The following BID variants were observed in gnomAD, a reference collection of about 807,000 sequenced individuals.
The protein encoded by BID is BH3 interacting domain death agonist.
BID carries 19 observed loss-of-function variants against 17.4 expected under a neutral mutation model. That is an observed-to-expected ratio of 1.09 (90% CI 0.76 to 1.60). The LOEUF is 1.60. BID is among the 40% of genes most tolerant of loss of function. The pLI, the probability that BID is intolerant of heterozygous loss-of-function variation, is 0.00. For synonymous variants in BID, 108 were observed against 102.8 expected (o/e 1.05, Z -0.31); for missense variants, 226 against 256.0 (o/e 0.88, Z 0.80).
At chr22:17,740,393 T>C in intron 3 of BID, 2 of 547,054 alleles carry the variant, frequency 3.7e-6, no homozygotes, top group South Asian at 2.1e-5. Flanking sequence ...GAGCCGTGAT[T>C]GCACCAGCAA....
Position 17,747,967 on chromosome 22 carries a change from A to T in BID, c.12+2138T>A, listed in dbSNP as rs965796774. 7.0e-3 allele frequency among the ~76,000 whole-genome samples: 1,044 copies of T among 149,638 alleles called. 10 individuals are homozygous for T. Among genetic ancestry groups the T allele is most frequent in the African/African-American group, 0.024 (975 of 40,592 alleles). ...GGCTCACGCCTGCAATCCCAGCACT[A>T]TGGGAGGCCGAGGCGGGCAGATCGC... On this transcript the variant is annotated intron_variant, in intron 2 of 5. Transcript: ENST00000622694.
intron 1 of BID, among the ~76,000 whole-genome samples, chr22:17,760,491 C>T (rs928095725): frequency 2.0e-5 from 3 of 147,310 alleles, no homozygotes; most frequent in African/African-American, 5.0e-5. Context: ...TCATATCCAT[C>T]TACCAGAGCA....
intron 5 of BID, among the ~76,000 whole-genome samples, chr22:17,736,942 T>C (rs1264883820): frequency 6.6e-6 from 1 of 152,010 alleles, no homozygotes. Context: ...TAGCTGGGAT[T>C]ACAGGCGCCC....
intron 2 of BID, among the ~76,000 whole-genome samples, chr22:17,749,364 C>T (rs1272557685): frequency 6.6e-6 from 1 of 152,176 alleles, no homozygotes; most frequent in African/African-American, 2.4e-5. Flanking sequence ...TTTATAAAGA[C>T]GGGGTCTTAC....
At chr22:17,752,008 A>G (rs1295030422) in intron 1 of BID, among the ~76,000 whole-genome samples, 1 of 152,100 alleles carries the variant, frequency 6.6e-6, no homozygotes, top group Non-Finnish European at 1.5e-5. Flanking sequence ...CTTCTGCCTC[A>G]AGGTCTGGAA....
At chr22:17,751,515 G>GA (rs1172705953) in intron 1 of BID, among the ~76,000 whole-genome samples, 30 of 152,290 alleles carry the variant, frequency 2.0e-4, no homozygotes, top group African/African-American at 5.3e-4. Flanking sequence ...TGAACCAAAT[G>GA]AAATGGCCAT....
intron 3 of BID, among the ~76,000 whole-genome samples, chr22:17,742,815 G>A (rs979629238): frequency 2.0e-5 from 3 of 152,254 alleles, no homozygotes; most frequent in South Asian, 2.1e-4. Flanking sequence ...AGCCAGCGTC[G>A]CAGGGCTGGA....
intron 2 of BID, 122 bp downstream of exon 2, chr22:17,749,983 G>T: frequency 1.0e-6 from 1 of 955,898 alleles, no homozygotes; most frequent in Non-Finnish European, 1.6e-6. Flanking sequence ...TCTGTGCCGA[G>T]CTGTGGTAAG....
At chr22:17,764,542 C>T (rs774460451) in intron 1 of BID, among the ~76,000 whole-genome samples, 5 of 152,212 alleles carry the variant, frequency 3.3e-5, no homozygotes, top group East Asian at 1.9e-4. Context: ...TACAGTGAAT[C>T]GGATGAAGCT....
chr22:17,771,228 T>G (rs577867614), intron 1 of BID, among the ~76,000 whole-genome samples: 10 of 152,232 alleles, frequency 6.6e-5, no homozygotes, highest in Admixed American at 5.9e-4. Flanking sequence ...GCCTCCCAGG[T>G]AGCTGGGACT....
chr22:17,767,518 G>T (rs927041223), intron 1 of BID, among the ~76,000 whole-genome samples: 1 of 152,118 alleles, frequency 6.6e-6, no homozygotes, highest in African/African-American at 2.4e-5. Context: ...CCTTCCCGGT[G>T]GACACAAAAT....
chr22:17,770,902 G>C (rs1414894270), intron 1 of BID, among the ~76,000 whole-genome samples: 1 of 152,268 alleles, frequency 6.6e-6, no homozygotes, highest in Non-Finnish European at 1.5e-5. Context: ...ATGCTCTGCA[G>C]AAAGTTCCCT....
At chr22:17,741,200 G>C (rs531889971) in intron 3 of BID, 35 of 152,298 alleles carry the variant, frequency 2.3e-4, no homozygotes, top group African/African-American at 7.7e-4. Flanking sequence ...CAGTCTACTC[G>C]GCCACCTTCA....
chr22:17,743,638 T>C (rs917009584), intron 3 of BID, among the ~76,000 whole-genome samples, 165 bp downstream of exon 3: 1 of 152,130 alleles, frequency 6.6e-6, no homozygotes, highest in African/African-American at 2.4e-5. Context: ...CTGGAGGGAA[T>C]CAAGTAGAGA....
At chr22:17,762,979 C>T (rs1212774830) in intron 1 of BID, among the ~76,000 whole-genome samples, 5 of 151,502 alleles carry the variant, frequency 3.3e-5, no homozygotes, top group African/African-American at 1.2e-4. Flanking sequence ...CAGGCTCAAG[C>T]GATTCTCCTG....
At chr22:17,737,775 C>T (rs2061430278) in intron 5 of BID, among the ~76,000 whole-genome samples, 3 of 152,246 alleles carry the variant, frequency 2.0e-5, no homozygotes, top group South Asian at 2.1e-4. Context: ...TGAGCCTTTG[C>T]CACCCCTCTG....
intron 1 of BID, among the ~76,000 whole-genome samples, chr22:17,754,053 A>C (rs780621707): frequency 4.0e-5 from 6 of 150,414 alleles, no homozygotes; most frequent in Non-Finnish European, 8.9e-5. Context: ...ACATTCCCCC[A>C]GTCTCCAGGA....
At chr22:17,752,093 T>C (rs984509722) in intron 1 of BID, among the ~76,000 whole-genome samples, 2 of 152,252 alleles carry the variant, frequency 1.3e-5, no homozygotes, top group African/African-American at 4.8e-5. Flanking sequence ...CACTGTCACC[T>C]CTGAGCTCGG....
At chr22:17,737,655 T>TA (rs1274589726) in intron 5 of BID, among the ~76,000 whole-genome samples, 1 of 152,206 alleles carries the variant, frequency 6.6e-6, no homozygotes, top group Non-Finnish European at 1.5e-5. Context: ...ACATTACACT[T>TA]ATTTTTTATG....
Sources: allele counts gnomAD v4.1 joint callset (sites outside exome capture counted in the v4.1 genomes callset), GRCh38; gene constraint gnomAD v4.1.1; transcripts MANE v1.5; gene names NCBI Gene and HGNC (gene_info 2026-07-23, HGNC 2026-07-21).